Variants in SEMA6D observed in about 807,000 individuals in gnomAD.
SEMA6D encodes semaphorin-6D.
In SEMA6D, 35 loss-of-function variants were observed where a neutral mutation model predicts 106.6. That is an observed-to-expected ratio of 0.33 (90% CI 0.25 to 0.44). SEMA6D has a LOEUF of 0.44. Among genes scored for constraint, SEMA6D ranks in the 20% least tolerant of loss-of-function variants. SEMA6D has a pLI of 1.00. For missense variants in SEMA6D, 1,185 were observed against 1,345.9 expected, an observed-to-expected ratio of 0.88 and a Z score of 1.87; for synonymous variants, 499 against 487.7, an observed-to-expected ratio of 1.02 and a Z score of -0.31.
At chr15:47,496,393 C>A (rs975116350) in intron 3 of SEMA6D, among the ~76,000 whole-genome samples, 2 of 152,024 alleles carry the variant, frequency 1.3e-5, no homozygotes, top group Non-Finnish European at 2.9e-5. Context: ...CAAGATCCAC[C>A]AACACTTTCC....
At chr15:47,490,710 G>C (rs1265920870) in intron 3 of SEMA6D, among the ~76,000 whole-genome samples, 1 of 152,014 alleles carries the variant, frequency 6.6e-6, no homozygotes, top group African/African-American at 2.4e-5. Context: ...ACATACAGCT[G>C]ACAAAAGATT....
In SEMA6D at chr15:47,476,900, TGTGTCA is replaced by T. The variant is rs566382113; in HGVS notation, c.-87+6358_-87+6363del. 7.0e-4 allele frequency among the ~76,000 whole-genome samples: 107 copies of T among 152,288 alleles called. 1 individual carries two copies. The highest frequency in any genetic ancestry group is 2.9e-3 in the Admixed American group (45 of 15,294). On this transcript the variant is annotated intron_variant, in intron 3 of 19. Coordinates refer to the SEMA6D transcript ENST00000558014. ...TACAAATCTATCTTTCATCCAAAAA[TGTGTCA>T]GTACTTGAAGAAACAGGAGACCGTA...
intron 2 of SEMA6D, among the ~76,000 whole-genome samples, chr15:47,419,882 G>A (rs2041095604): frequency 1.3e-5 from 2 of 152,110 alleles, no homozygotes; most frequent in Admixed American, 6.6e-5. Flanking sequence ...AAGATGACCT[G>A]GAAGTGCTGG....
chr15:47,664,026 T>A (rs754741236), intron 4 of SEMA6D, among the ~76,000 whole-genome samples: 42 of 152,206 alleles, frequency 2.8e-4, no homozygotes, highest in Admixed American at 5.9e-4. Flanking sequence ...ATTCTTCTTA[T>A]GAATAAAAAA....
intron 4 of SEMA6D, among the ~76,000 whole-genome samples, chr15:47,636,669 C>T (rs202129219): frequency 6.7e-4 from 102 of 152,302 alleles, no homozygotes; most frequent in African/African-American, 2.3e-3. Flanking sequence ...AAGATATTCT[C>T]CTTTACCCCA....
At chr15:47,354,607 A>G (rs1243750855) in intron 1 of SEMA6D, among the ~76,000 whole-genome samples, 1 of 151,592 alleles carries the variant, frequency 6.6e-6, no homozygotes, top group Non-Finnish European at 1.5e-5. Flanking sequence ...ATATACACAT[A>G]TGTACATATA....
At chr15:47,441,694 TA>T (rs2041888758) in intron 2 of SEMA6D, among the ~76,000 whole-genome samples, 1 of 152,142 alleles carries the variant, frequency 6.6e-6, no homozygotes, top group African/African-American at 2.4e-5. Context: ...CAATACATTT[TA>T]TTTTTTTAAT....
At chr15:47,441,730 A>G (rs2041889569) in intron 2 of SEMA6D, among the ~76,000 whole-genome samples, 1 of 152,032 alleles carries the variant, frequency 6.6e-6, no homozygotes, top group Non-Finnish European at 1.5e-5. Flanking sequence ...TGTGTTTCCA[A>G]CCATAATATT....
chr15:47,335,975 A>G lies in SEMA6D; in HGVS notation c.-238-76418A>G, dbSNP rs187335102. Among the ~76,000 whole-genome samples the G allele has an allele frequency of 2.0e-5, 3 of 152,278 alleles. No homozygotes were observed. In the East Asian group the frequency reaches 5.8e-4, roughly 29 times the overall value. On this transcript the variant is annotated intron_variant, in intron 1 of 19. Coordinates refer to the SEMA6D transcript ENST00000558014. ...TCCCTCCAGTATGGAGAAACTTAAA[A>G]AGTCAGAAGGCAGAGATTACAAAGA...
chr15:47,222,233 A>G (rs1433162790), intron 1 of SEMA6D, among the ~76,000 whole-genome samples: 3 of 152,208 alleles, frequency 2.0e-5, no homozygotes, highest in Non-Finnish European at 2.9e-5. Flanking sequence ...TCCTACAGAA[A>G]TGACCCATCA....
intron 2 of SEMA6D, among the ~76,000 whole-genome samples, chr15:47,469,377 G>A (rs1386061940): frequency 6.6e-6 from 1 of 151,488 alleles, no homozygotes; most frequent in Non-Finnish European, 1.5e-5. Context: ...GTGGGGGGAG[G>A]ACTTCAAAAT....
intron 4 of SEMA6D, among the ~76,000 whole-genome samples, chr15:47,603,713 G>A (rs1257414724): frequency 6.6e-6 from 1 of 151,832 alleles, no homozygotes; most frequent in African/African-American, 2.4e-5. Context: ...TTCTTATTAA[G>A]TCCCCTCCCC....
chr15:47,216,355 C>G (rs1485337368), intron 1 of SEMA6D, among the ~76,000 whole-genome samples: 1 of 152,140 alleles, frequency 6.6e-6, no homozygotes, highest in African/African-American at 2.4e-5. Flanking sequence ...AACATACGCA[C>G]AAGCATAGAT....
chr15:47,439,065 T>C (rs2041807740), intron 2 of SEMA6D, among the ~76,000 whole-genome samples: 1 of 152,086 alleles, frequency 6.6e-6, no homozygotes, highest in South Asian at 2.1e-4. Flanking sequence ...TGAAAAGTCA[T>C]CTGGGAACCA....
intron 1 of SEMA6D, among the ~76,000 whole-genome samples, chr15:47,218,619 C>T (rs1422951829): frequency 5.3e-5 from 8 of 152,178 alleles, no homozygotes; most frequent in Admixed American, 5.2e-4. Context: ...TGTGATTGAG[C>T]TCTTGATAAA....
intron 3 of SEMA6D, among the ~76,000 whole-genome samples, chr15:47,552,502 A>ATG (rs200725273): frequency 0.069 from 8,477 of 123,470 alleles, 290 homozygotes; most frequent in South Asian, 0.12. Context: ...GTGTATATAT[A>ATG]TGTGTGTGTG....
intron 3 of SEMA6D, among the ~76,000 whole-genome samples, chr15:47,541,992 A>T (rs2045369201): frequency 6.6e-6 from 1 of 152,092 alleles, no homozygotes; most frequent in Admixed American, 6.6e-5. Flanking sequence ...ACATTTCCTT[A>T]AAAAAACTGT....
chr15:47,720,793 T>C (rs1357793052), intron 1 of SEMA6D, among the ~76,000 whole-genome samples: 1 of 152,234 alleles, frequency 6.6e-6, no homozygotes, highest in East Asian at 1.9e-4. Context: ...TTCTTGCATG[T>C]GAGTTTCACT....
At chr15:47,645,060 T>C (rs1374198559) in intron 4 of SEMA6D, among the ~76,000 whole-genome samples, 1 of 152,162 alleles carries the variant, frequency 6.6e-6, no homozygotes, top group Non-Finnish European at 1.5e-5. Flanking sequence ...GTGAAGATAT[T>C]GACATCAGCC....
Sources: gnomAD v4.1 joint callset for allele counts (sites outside exome capture counted in the v4.1 genomes callset) on GRCh38, gnomAD v4.1.1 for gene constraint, MANE v1.5 for transcripts, NCBI Gene and HGNC (gene_info 2026-07-23, HGNC 2026-07-21) for gene names.